Variants in UBXN2A observed in about 807,000 individuals in gnomAD.
The protein encoded by UBXN2A is UBX domain protein 2A, also known as UBX domain-containing protein 2A.
Under a neutral mutation model 28.4 loss-of-function variants are expected in UBXN2A, and 28 were observed. That is an observed-to-expected ratio of 0.99 (90% confidence interval 0.73 to 1.35). The LOEUF (loss-of-function observed/expected upper bound fraction) is 1.35. Ranked by LOEUF, UBXN2A falls within the 40% of genes most tolerant of loss-of-function variation. UBXN2A has a pLI of 0.00. For synonymous variants in UBXN2A, 97 were observed against 103.6 expected (o/e 0.94, Z 0.39); for missense variants, 253 against 297.9 (o/e 0.85, Z 1.11).
At chr2:23,988,258 A>G (rs995506979) in intron 6 of UBXN2A, among the ~76,000 whole-genome samples, 5 of 152,228 alleles carry the variant, frequency 3.3e-5, no homozygotes, top group South Asian at 2.1e-4. Flanking sequence ...CATAACCACA[A>G]TACAGCCATT....
Position 23,954,127 on chromosome 2 carries a change from C to G in UBXN2A, c.-14-4174C>G, listed in dbSNP as rs1286809952. ...TCCCGGGTACAAGTGATTCTCCTGC[C>G]TCAGCCTCCCGAGTAGCTGGGACTA... On this transcript the variant is annotated intron_variant, in intron 1 of 6. Transcript: ENST00000309033. 3.3e-5 allele frequency among the ~76,000 whole-genome samples: 5 copies of G among 152,296 alleles called. No individual in the cohort carries two copies. In the South Asian group the frequency reaches 1.0e-3, roughly 32 times the overall value.
intron 5 of UBXN2A, among the ~76,000 whole-genome samples, 167 bp downstream of exon 5, chr2:23,983,200 C>T (rs1707985942): frequency 6.6e-6 from 1 of 151,824 alleles, no homozygotes; most frequent in Non-Finnish European, 1.5e-5. Context: ...GTCATAGTTA[C>T]CTAAGTATAT....
chr2:23,927,792 T>G (rs1243974617), intron 1 of UBXN2A, among the ~76,000 whole-genome samples: 6 of 152,006 alleles, frequency 3.9e-5, no homozygotes, highest in Non-Finnish European at 7.4e-5. Context: ...CGCTGAAGAA[T>G]TAAGAATACA....
chr2:23,936,707 A>G (rs1462842965), upstream of UBXN2A, among the ~76,000 whole-genome samples: 6 of 152,102 alleles, frequency 3.9e-5, no homozygotes, highest in African/African-American at 1.4e-4. Context: ...CAAGACAAAG[A>G]AGCCCACTCT....
intron 1 of UBXN2A, chr2:23,944,092 T>C: frequency 1.5e-6 from 1 of 675,992 alleles, no homozygotes; most frequent in South Asian, 1.5e-5. Context: ...AGCACAGGGG[T>C]CTCTTTTTGG....
intron 1 of UBXN2A, among the ~76,000 whole-genome samples, chr2:23,948,369 C>T (rs1295626212): frequency 6.6e-6 from 1 of 151,418 alleles, no homozygotes; most frequent in East Asian, 1.9e-4. Flanking sequence ...TCTCCTGCCT[C>T]AGCCTCCCAA....
intron 1 of UBXN2A, among the ~76,000 whole-genome samples, chr2:23,957,625 G>A (rs1488071635): frequency 6.6e-6 from 1 of 151,858 alleles, no homozygotes; most frequent in African/African-American, 2.4e-5. Flanking sequence ...ACCTGAGGTT[G>A]GGAGTTCGAG....
At chr2:23,994,689 T>G (rs766015244) in intron 6 of UBXN2A, among the ~76,000 whole-genome samples, 1 of 152,236 alleles carries the variant, frequency 6.6e-6, no homozygotes, top group Non-Finnish European at 1.5e-5. Flanking sequence ...ATCTGTTGCT[T>G]CTTCTGGATT....
At chr2:23,954,756 C>CT (rs35258355) in intron 1 of UBXN2A, among the ~76,000 whole-genome samples, 303 of 133,590 alleles carry the variant, frequency 2.3e-3, no homozygotes, top group South Asian at 3.4e-3. Flanking sequence ...TTTTGCATAT[C>CT]TTTTTTTTTT....
intron 1 of UBXN2A, among the ~76,000 whole-genome samples, chr2:23,949,307 C>G (rs1024298188): frequency 6.6e-6 from 1 of 151,800 alleles, no homozygotes; most frequent in South Asian, 2.1e-4. Flanking sequence ...CATGGTGGCT[C>G]ACGCTTGTAA....
At chr2:23,986,131 AC>A (rs1449887237) in intron 6 of UBXN2A, among the ~76,000 whole-genome samples, 2 of 151,906 alleles carry the variant, frequency 1.3e-5, no homozygotes, top group Non-Finnish European at 2.9e-5. Flanking sequence ...ACACGGTGAA[AC>A]CCTGTCTCTA....
intron 4 of UBXN2A, among the ~76,000 whole-genome samples, chr2:23,979,324 G>A (rs1192934171): frequency 2.0e-5 from 3 of 151,500 alleles, no homozygotes; most frequent in Non-Finnish European, 2.9e-5. Context: ...CAGCCTGGGC[G>A]ACAGAGCGAG....
At chr2:23,988,016 A>G (rs1050321515) in intron 6 of UBXN2A, among the ~76,000 whole-genome samples, 3 of 149,168 alleles carry the variant, frequency 2.0e-5, no homozygotes, top group African/African-American at 7.4e-5. Context: ...TCAGCTACTC[A>G]GGAGGCTGAG....
chr2:23,997,562 C>T, intron 6 of UBXN2A, among the ~76,000 whole-genome samples: 1 of 151,570 alleles, frequency 6.6e-6, no homozygotes, highest in African/African-American at 2.4e-5. Flanking sequence ...AGCGATTCTC[C>T]TGCCTCAGCC....
At position 23,998,824 on chromosome 2, in the gene UBXN2A, C is replaced by T. The variant is rs72781663; in HGVS notation, c.585-848C>T. Among the ~76,000 whole-genome samples, 337 of 152,144 alleles carry T rather than the reference C, an allele frequency of 2.2e-3. 2 individuals carry two copies. Among genetic ancestry groups the T allele is most frequent in the African/African-American group, 7.9e-3 (328 of 41,522 alleles). On this transcript the variant is annotated intron_variant, in intron 6 of 6. Transcript: ENST00000309033. ...AGCTCACTGCAACCTTCGTCTCCCG[C>T]GATCAACCTTCGTCTCCCTCCTCAG...
intron 3 of UBXN2A, among the ~76,000 whole-genome samples, 198 bp downstream of exon 3, chr2:23,971,612 C>T (rs892052622): frequency 6.6e-5 from 10 of 152,052 alleles, no homozygotes; most frequent in Non-Finnish European, 1.2e-4. Flanking sequence ...CCTCAGCATT[C>T]GCAGGTAGCC....
rs937639735 is a variant in UBXN2A at position 23,954,805 on chromosome 2, T to A, written c.-14-3496T>A. Reference sequence around the variant, plus strand: ...CAGATTCTTGCTCTGTTGCCCAGGCTGGAGTGTGGTGACATGATCATGGCT... The same window carrying A: ...CAGATTCTTGCTCTGTTGCCCAGGCAGGAGTGTGGTGACATGATCATGGCT... On this transcript the variant is annotated intron_variant, in intron 1 of 6. Transcript: ENST00000309033. Among the ~76,000 whole-genome samples the A allele has an allele frequency of 7.7e-4, 116 of 151,294 alleles. 3 individuals are homozygous for A. Among genetic ancestry groups the A allele is most frequent in the Middle Eastern group, 3.2e-3 (1 of 316 alleles).
rs764790310 is a variant in UBXN2A, at chr2:23,999,803, A to G, written c.716A>G (p.Gln239Arg). 4 of 1,614,114 alleles carry G rather than the reference A, an allele frequency of 2.5e-6. No homozygotes were observed. Among genetic ancestry groups the G allele is most frequent in the African/African-American group, 1.3e-5 (1 of 74,952 alleles). Reference protein sequence around the residue: ...ETLTLEEADLQNAVIIQRLQK... With the variant: ...ETLTLEEADLRNAVIIQRLQK... ...CTCACACTGGAAGAAGCAGATTTAC[A>G]GAATGCTGTCATCATTCAGAGACTC... The change falls in exon 7 of 7, where the codon CAG becomes CGG. Residue 239 changes from glutamine to arginine, a missense_variant. Transcript: ENST00000309033.
At chr2:23,953,828 T>G (rs2150824206) in intron 1 of UBXN2A, among the ~76,000 whole-genome samples, 1 of 152,278 alleles carries the variant, frequency 6.6e-6, no homozygotes, top group African/African-American at 2.4e-5. Context: ...AATCTGGTAG[T>G]TAGATCTAGA....
Sources: allele counts gnomAD v4.1 joint callset (sites outside exome capture counted in the v4.1 genomes callset), GRCh38; gene constraint gnomAD v4.1.1; transcripts MANE v1.5; gene names NCBI Gene and HGNC (gene_info 2026-07-23, HGNC 2026-07-21).